EGFR: variants seen among roughly 807,000 people sequenced by gnomAD.
EGFR encodes epidermal growth factor receptor, also known as avian erythroblastic leukemia viral (v-erb-b) oncogene homolog.
Under a neutral mutation model 143.0 loss-of-function variants are expected in EGFR, and 58 were observed. The observed-to-expected ratio is 0.41, with a 90% CI of 0.33 to 0.50. The LOEUF (loss-of-function observed/expected upper bound fraction) is 0.50, where lower values mean the gene tolerates loss of function less well. Ranked by LOEUF, EGFR falls within the 20% of genes least tolerant of loss-of-function variation. The probability of loss-of-function intolerance (pLI) is 0.39; values close to 1 mark genes in which losing one functional copy is unlikely to be tolerated. For missense variants in EGFR, 1,307 were observed against 1,579.0 expected (o/e 0.83, Z 2.92); for synonymous variants, 613 against 594.4 (o/e 1.03, Z -0.45).
intron 1 of EGFR, among the ~76,000 whole-genome samples, chr7:55,116,964 C>T (rs544686009): frequency 6.6e-6 from 1 of 152,294 alleles, no homozygotes; most frequent in African/African-American, 2.4e-5. Flanking sequence ...TATTGTCCCA[C>T]GTGTCCCTGG....
rs761844164 is a variant in EGFR at position 55,155,907 on chromosome 7, G to A, written c.967G>A (p.Val323Ile). Residue 323 changes from valine to isoleucine, a missense_variant, in exon 8 of 28, where the codon GTC (valine) becomes ATC (isoleucine). By Grantham distance (29) the Val-to-Ile change is conservative. This residue lies in a region of EGFR where 311 missense variants were observed against 412.3 expected (regional missense o/e 0.75). Transcript: ENST00000275493. Reference protein sequence around the residue: ...ADSYEMEEDGVRKCKKCEGPC... With the variant: ...ADSYEMEEDGIRKCKKCEGPC... ...CAGCTATGAGATGGAGGAAGACGGC[G>A]TCCGCAAGTGTAAGAAGTGCGAAGG... 6 of 1,613,914 alleles carry A rather than the reference G, an allele frequency of 3.7e-6. No homozygotes were observed. The South Asian group carries it at 4.4e-5, about 12-fold the overall frequency.
chr7:55,085,221 T>G (rs1790685794), intron 1 of EGFR, among the ~76,000 whole-genome samples: 1 of 152,236 alleles, frequency 6.6e-6, no homozygotes, highest in Admixed American at 6.5e-5. Context: ...TTCCAACTGA[T>G]GCCAGCAGAC....
chr7:55,187,933 C>T (rs903089189), intron 20 of EGFR, among the ~76,000 whole-genome samples: 1 of 152,116 alleles, frequency 6.6e-6, no homozygotes, highest in African/African-American at 2.4e-5. Context: ...GGCCCCTCAC[C>T]TTCTCCCTAG....
chr7:55,135,872 T>C (rs558876419), intron 1 of EGFR, among the ~76,000 whole-genome samples: 1 of 152,118 alleles, frequency 6.6e-6, no homozygotes, highest in Non-Finnish European at 1.5e-5. Context: ...TCTTTAGCCT[T>C]CTTTAACACT....
intron 1 of EGFR, among the ~76,000 whole-genome samples, chr7:55,036,091 C>T (rs534877254): frequency 3.3e-5 from 5 of 151,664 alleles, no homozygotes; most frequent in African/African-American, 1.2e-4. Flanking sequence ...GGTTTGGAGG[C>T]CATGGAGGCA....
chr7:55,059,965 G>A (rs557484943), intron 1 of EGFR, among the ~76,000 whole-genome samples: 70 of 152,258 alleles, frequency 4.6e-4, no homozygotes, highest in African/African-American at 1.5e-3. Context: ...CCAGGACCTC[G>A]GAAGAACTGA....
chr7:55,144,336 A>G (rs1189277431), intron 3 of EGFR, among the ~76,000 whole-genome samples: 1 of 152,194 alleles, frequency 6.6e-6, no homozygotes, highest in East Asian at 1.9e-4. Context: ...GTGCTCTGCC[A>G]TCGTACAAAT....
chr7:55,115,902 G>A (rs182598182), intron 1 of EGFR, among the ~76,000 whole-genome samples: 9 of 152,328 alleles, frequency 5.9e-5, no homozygotes, highest in Non-Finnish European at 1.0e-4. Context: ...TTAAGCGACC[G>A]CAGATTATGC....
chr7:55,036,991 C>G (rs898582393), intron 1 of EGFR, among the ~76,000 whole-genome samples: 1 of 152,138 alleles, frequency 6.6e-6, no homozygotes, highest in Non-Finnish European at 1.5e-5. Context: ...AAAATCAACC[C>G]CTTGGTGAAG....
intron 1 of EGFR, among the ~76,000 whole-genome samples, chr7:55,091,890 A>ACACC (rs1343006974): frequency 3.1e-4 from 30 of 96,706 alleles, no homozygotes; most frequent in South Asian, 1.0e-3. Flanking sequence ...ACACACACAC[A>ACACC]CCCTGAGAGA....
chr7:55,028,578 G>T (rs1403840749), intron 1 of EGFR, among the ~76,000 whole-genome samples: 1 of 152,018 alleles, frequency 6.6e-6, no homozygotes, highest in East Asian at 1.9e-4. Flanking sequence ...TTATTACAAT[G>T]GTTTCTATTC....
chr7:55,173,602 C>T (rs896411082), intron 17 of EGFR, among the ~76,000 whole-genome samples: 5 of 152,256 alleles, frequency 3.3e-5, no homozygotes, highest in Admixed American at 6.5e-5. Context: ...CCCAACCAAA[C>T]GACCGCCATG....
intron 15 of EGFR, 63 bp downstream of exon 15, chr7:55,165,500 T>C (rs1785932657): frequency 6.4e-7 from 1 of 1,556,580 alleles, no homozygotes; most frequent in Non-Finnish European, 8.7e-7. Flanking sequence ...ATCAAAAATG[T>C]CTCCCAAGTT....
chr7:55,195,666 C>T (rs190805367), intron 22 of EGFR, among the ~76,000 whole-genome samples: 26 of 152,254 alleles, frequency 1.7e-4, no homozygotes, highest in Admixed American at 7.2e-4. Context: ...TCCTCTCCCT[C>T]CTCCCATCCT....
At chr7:55,035,568 C>T (rs955427940) in intron 1 of EGFR, among the ~76,000 whole-genome samples, 2 of 151,250 alleles carry the variant, frequency 1.3e-5, no homozygotes, top group Non-Finnish European at 2.9e-5. Flanking sequence ...GCCTGTAACC[C>T]TATCTACTAG....
rs1788041470 is a variant in EGFR at position 55,204,800 on chromosome 7, G to C, written c.3272-456G>C. ...CACCACACACACCATACATACACAC[G>C]TATACACACACCACATATACACACA... On this transcript the variant is annotated intron_variant, in intron 27 of 27. Transcript: ENST00000275493. Among the ~76,000 whole-genome samples, 5 of 101,226 alleles carry C rather than the reference G, an allele frequency of 4.9e-5. No individual in the cohort carries two copies. The South Asian group carries it at 1.4e-3, about 28-fold the overall frequency. 66.4% of individuals were successfully genotyped at this position (101,226 alleles called of 152,430 possible). A position where few individuals can be genotyped will look rare whatever the true frequency, so the allele number is the denominator to read the frequency against.
At chr7:55,022,266 G>A (rs189992082) in intron 1 of EGFR, among the ~76,000 whole-genome samples, 40 of 152,282 alleles carry the variant, frequency 2.6e-4, no homozygotes, top group Non-Finnish European at 4.6e-4. Context: ...ATTCCAAGGC[G>A]AGTCGAATTC....
chr7:55,205,061 A>G (rs139651222), intron 27 of EGFR, among the ~76,000 whole-genome samples, 195 bp from the exon 28 acceptor site: 10 of 152,256 alleles, frequency 6.6e-5, no homozygotes, highest in African/African-American at 2.4e-4. Flanking sequence ...CAAAAGACAC[A>G]TATGTCCATT....
intron 1 of EGFR, among the ~76,000 whole-genome samples, chr7:55,031,461 C>T (rs1459895137): frequency 6.6e-6 from 1 of 152,234 alleles, no homozygotes; most frequent in African/African-American, 2.4e-5. Flanking sequence ...TTTCACTTCA[C>T]TTTCCACCTT....
Sources: allele counts gnomAD v4.1 joint callset (sites outside exome capture counted in the v4.1 genomes callset), GRCh38; gene constraint gnomAD v4.1.1; regional missense constraint gnomAD v4.1.1; transcripts MANE v1.5; gene names NCBI Gene and HGNC (gene_info 2026-07-23, HGNC 2026-07-21).